Variants in RGS7 observed in about 807,000 individuals in gnomAD.
RGS7 encodes regulator of G-protein signaling 7.
In RGS7, 27 loss-of-function variants were observed where a neutral mutation model predicts 81.1. The observed-to-expected ratio is 0.33, with a 90% CI of 0.25 to 0.46. The LOEUF (loss-of-function observed/expected upper bound fraction) is 0.46, where lower values mean the gene tolerates loss of function less well. Ranked by LOEUF, RGS7 falls within the 20% of genes least tolerant of loss-of-function variation. The probability of loss-of-function intolerance (pLI) is 1.00; values close to 1 mark genes in which losing one functional copy is unlikely to be tolerated. For missense variants in RGS7, 396 were observed against 607.4 expected, an observed-to-expected ratio of 0.65 and a Z score of 3.66; for synonymous variants, 208 against 207.7, an observed-to-expected ratio of 1.00 and a Z score of -0.01.
intron 6 of RGS7, among the ~76,000 whole-genome samples, chr1:240,882,197 G>A (rs1347815357): frequency 6.6e-6 from 1 of 152,152 alleles, no homozygotes; most frequent in East Asian, 1.9e-4. Flanking sequence ...TTACAAGCAT[G>A]AGCCACCGTG....
chr1:240,918,793 T>C (rs561582604), intron 6 of RGS7, among the ~76,000 whole-genome samples: 3 of 150,974 alleles, frequency 2.0e-5, no homozygotes, highest in South Asian at 4.2e-4. Context: ...GAAACCAAAA[T>C]CTGGGTGCTT....
At chr1:241,302,421 C>T (rs1220253872) in intron 2 of RGS7, among the ~76,000 whole-genome samples, 2 of 151,970 alleles carry the variant, frequency 1.3e-5, no homozygotes, top group Admixed American at 6.6e-5. Flanking sequence ...TGGTTGCAGG[C>T]GCCTGTAGTC....
intron 4 of RGS7, among the ~76,000 whole-genome samples, chr1:240,966,912 G>C (rs1453647236): frequency 6.6e-6 from 1 of 152,156 alleles, no homozygotes; most frequent in African/African-American, 2.4e-5. Context: ...TCTCTGTTAA[G>C]TGCATTCAAT....
At chr1:241,093,164 A>C (rs2064003020) in intron 3 of RGS7, among the ~76,000 whole-genome samples, 1 of 152,212 alleles carries the variant, frequency 6.6e-6, no homozygotes, top group Non-Finnish European at 1.5e-5. Flanking sequence ...TCACAAAATA[A>C]GATACAAATA....
At chr1:241,219,081 T>G (rs1247017635) in intron 2 of RGS7, among the ~76,000 whole-genome samples, 4 of 152,130 alleles carry the variant, frequency 2.6e-5, no homozygotes, top group Admixed American at 6.5e-5. Context: ...CCAGCTGGTG[T>G]GAGGGCATCA....
intron 2 of RGS7, among the ~76,000 whole-genome samples, chr1:241,133,209 AG>A (rs2067248327): frequency 6.6e-6 from 1 of 152,154 alleles, no homozygotes; most frequent in East Asian, 1.9e-4. Context: ...TGTAATCATA[AG>A]AAATAAGAGA....
intron 2 of RGS7, among the ~76,000 whole-genome samples, chr1:241,208,224 A>C (rs548308189): frequency 6.6e-6 from 1 of 152,200 alleles, no homozygotes; most frequent in Non-Finnish European, 1.5e-5. Flanking sequence ...TTTTTTGAAA[A>C]TAGAAAGAGT....
In RGS7 at chr1:241,089,286, G is replaced by A. The variant is rs535891182; in HGVS notation, c.175+9380C>T. Among the ~76,000 whole-genome samples, 6 of 150,832 alleles carry A rather than the reference G, an allele frequency of 4.0e-5. No individual in the cohort carries two copies. In the South Asian group the frequency reaches 1.1e-3, roughly 26 times the overall value. ...GATACCAGATGAGGTCTGAGAGGCA[G>A]GGAGGGACTGATCCAGGATGCTGCT... On this transcript the variant is annotated intron_variant, in intron 3 of 18. Transcript: ENST00000440928.
intron 3 of RGS7, among the ~76,000 whole-genome samples, chr1:241,075,399 C>T (rs954087789): frequency 8.5e-5 from 13 of 152,226 alleles, no homozygotes; most frequent in East Asian, 3.9e-4. Context: ...CTAACCCTAA[C>T]CCCCTTTTGA....
At chr1:240,802,267 C>A (rs1051481577) in intron 16 of RGS7, among the ~76,000 whole-genome samples, 4 of 152,062 alleles carry the variant, frequency 2.6e-5, no homozygotes, top group African/African-American at 9.7e-5. Context: ...TTTCTCTTCC[C>A]TGTTATATTG....
intron 14 of RGS7, among the ~76,000 whole-genome samples, chr1:240,810,882 A>C (rs1689732249): frequency 1.3e-5 from 2 of 152,234 alleles, no homozygotes; most frequent in African/African-American, 4.8e-5. Flanking sequence ...GGGTTCCCAT[A>C]AACTGGAAGG....
chr1:241,108,648 T>A (rs530870792), intron 2 of RGS7, among the ~76,000 whole-genome samples: 18 of 152,294 alleles, frequency 1.2e-4, no homozygotes, highest in African/African-American at 3.6e-4. Flanking sequence ...GAGTTGTCAA[T>A]GTCCCCTGAA....
intron 2 of RGS7, among the ~76,000 whole-genome samples, chr1:241,191,369 T>C (rs1171361696): frequency 6.6e-6 from 1 of 152,214 alleles, no homozygotes; most frequent in East Asian, 1.9e-4. Flanking sequence ...GATATGATCA[T>C]GTGAGCCTTT....
intron 3 of RGS7, among the ~76,000 whole-genome samples, chr1:241,058,602 T>C (rs1425208863): frequency 1.3e-5 from 2 of 152,240 alleles, no homozygotes; most frequent in Non-Finnish European, 2.9e-5. Flanking sequence ...TTTGTTGCCA[T>C]GTGACTCCAA....
At chr1:241,262,838 T>C (rs971985847) in intron 2 of RGS7, among the ~76,000 whole-genome samples, 1 of 152,062 alleles carries the variant, frequency 6.6e-6, no homozygotes. Context: ...TGGTGATTCA[T>C]GCCTGTAATT....
At chr1:241,221,013 GGAAGGA>G (rs2074929223) in intron 2 of RGS7, among the ~76,000 whole-genome samples, 3 of 101,826 alleles carry the variant, frequency 2.9e-5, no homozygotes, top group South Asian at 4.0e-4. Context: ...GAGAAAGGAA[GGAAGGA>G]AGGAAGGAAG....
At chr1:241,005,976 T>G (rs2058672170) in intron 3 of RGS7, among the ~76,000 whole-genome samples, 1 of 152,252 alleles carries the variant, frequency 6.6e-6, no homozygotes, top group South Asian at 2.1e-4. Flanking sequence ...TTTTCCAGTT[T>G]ATGGCTCTTA....
chr1:241,158,138 A>G (rs905340569), intron 2 of RGS7, among the ~76,000 whole-genome samples: 8 of 152,162 alleles, frequency 5.3e-5, no homozygotes, highest in African/African-American at 1.7e-4. Context: ...AACTTTTATT[A>G]GGACACAGCC....
chr1:240,942,453 C>G (rs900847613), intron 4 of RGS7, among the ~76,000 whole-genome samples: 3 of 152,128 alleles, frequency 2.0e-5, no homozygotes, highest in Admixed American at 6.6e-5. Flanking sequence ...TAATAAAATG[C>G]CTCTGAGTCA....
Sources: allele counts gnomAD v4.1 joint callset (sites outside exome capture counted in the v4.1 genomes callset), GRCh38; gene constraint gnomAD v4.1.1; transcripts MANE v1.5; gene names NCBI Gene and HGNC (gene_info 2026-07-23, HGNC 2026-07-21).